The following PCDH9 variants were observed in gnomAD, a reference collection of about 807,000 sequenced individuals.
PCDH9 encodes protocadherin 9.
In PCDH9, 24 loss-of-function variants were observed where a neutral mutation model predicts 70.6. That is an observed-to-expected ratio of 0.34 (90% CI 0.25 to 0.48). PCDH9 has a LOEUF of 0.48. Ranked by LOEUF, PCDH9 falls within the 20% of genes least tolerant of loss-of-function variation. The probability of loss-of-function intolerance (pLI) is 0.99; values close to 1 mark genes in which losing one functional copy is unlikely to be tolerated. For missense variants in PCDH9, 1,281 were observed against 1,503.6 expected, an observed-to-expected ratio of 0.85 and a Z score of 2.45; for synonymous variants, 562 against 558.5, an observed-to-expected ratio of 1.01 and a Z score of -0.09.
At chr13:67,080,108 G>A (rs1482345682) in intron 2 of PCDH9, among the ~76,000 whole-genome samples, 4 of 152,056 alleles carry the variant, frequency 2.6e-5, no homozygotes, top group Admixed American at 6.6e-5. Context: ...ACACTTTATC[G>A]GAACTTCTTG....
intron 3 of PCDH9, among the ~76,000 whole-genome samples, chr13:66,727,493 GTGGGGAAAAATGCCACTAGAGTC>G (rs2079020750): frequency 6.6e-6 from 1 of 151,964 alleles, no homozygotes. Context: ...TATTACACTA[GTGGGGAAAAATGCCACTAGAGTC>G]TGCTACAAAA....
chr13:67,076,415 C>T (rs2085878747), intron 2 of PCDH9, among the ~76,000 whole-genome samples: 1 of 151,896 alleles, frequency 6.6e-6, no homozygotes, highest in South Asian at 2.1e-4. Context: ...ATAATAAAGC[C>T]GAAGAAGAAG....
At chr13:66,438,076 A>C (rs1957907035) in intron 4 of PCDH9, among the ~76,000 whole-genome samples, 1 of 152,042 alleles carries the variant, frequency 6.6e-6, no homozygotes, top group Non-Finnish European at 1.5e-5. Flanking sequence ...TCTACTAAAA[A>C]TACAAAAATT....
chr13:66,873,250 C>A (rs1331277773), intron 3 of PCDH9, among the ~76,000 whole-genome samples: 1 of 151,874 alleles, frequency 6.6e-6, no homozygotes. Context: ...GAAATGTCAC[C>A]CTAATATCTA....
At chr13:66,948,521 G>A (rs1462320971) in intron 2 of PCDH9, among the ~76,000 whole-genome samples, 10 of 149,902 alleles carry the variant, frequency 6.7e-5, no homozygotes, top group Non-Finnish European at 1.3e-4. Context: ...TCTTGAGTAC[G>A]TATAGTGATA....
rs192880786 is a variant in PCDH9 at position 66,858,043 on chromosome 13, A to G, written c.3138+45461T>C. Among the ~76,000 whole-genome samples the G allele has an allele frequency of 5.2e-3, 787 of 152,242 alleles. 10 individuals carry two copies. The highest frequency in any genetic ancestry group is 0.018 in the African/African-American group (751 of 41,548). Reference sequence around the variant, plus strand: ...ACTCTGTGGAATCTTCCTTTCATCAAATTAGTTAATGTGCCTTTAAAATAG... The same window carrying G: ...ACTCTGTGGAATCTTCCTTTCATCAGATTAGTTAATGTGCCTTTAAAATAG... On this transcript the variant is annotated intron_variant, in intron 3 of 4. Transcript: ENST00000377865.
At chr13:66,367,069 C>A (rs1956565219) in intron 4 of PCDH9, among the ~76,000 whole-genome samples, 1 of 152,024 alleles carries the variant, frequency 6.6e-6, no homozygotes, top group Non-Finnish European at 1.5e-5. Flanking sequence ...GCTAGTGCAA[C>A]ATTAATTTTT....
In PCDH9 at chr13:67,113,860, C is replaced by T. The variant is rs151126335; in HGVS notation, c.3036+111545G>A. Among the ~76,000 whole-genome samples, 256 of 152,134 alleles carry T rather than the reference C, an allele frequency of 1.7e-3. 1 individual carries two copies. The highest frequency in any genetic ancestry group is 2.7e-3 in the Non-Finnish European group (183 of 68,020). ...AACTTTGCCCATTAAACATTTGGAT[C>T]ACACTGAGAAATGCAATCACTGAGG... On this transcript the variant is annotated intron_variant, in intron 2 of 4. Coordinates refer to ENST00000377865, the MANE Select transcript of PCDH9 (RefSeq NM_203487.3).
intron 2 of PCDH9, among the ~76,000 whole-genome samples, chr13:67,108,293 G>A (rs1380900679): frequency 1.3e-5 from 2 of 152,196 alleles, no homozygotes; most frequent in African/African-American, 4.8e-5. Context: ...AGGATCCCAT[G>A]ACAGTATAGT....
At chr13:66,699,382 C>A (rs892523737) in intron 3 of PCDH9, among the ~76,000 whole-genome samples, 1 of 152,134 alleles carries the variant, frequency 6.6e-6, no homozygotes, top group African/African-American at 2.4e-5. Flanking sequence ...ATCCCCAGAA[C>A]CTGTGAATGC....
At position 66,539,805 on chromosome 13, in the gene PCDH9, A is replaced by G. The variant is rs532452788; in HGVS notation, c.3340+91405T>C. Reference sequence around the variant, plus strand: ...TCCCCAAAAATTATTTCTAAGAGATACCCAAAATAATATCCATATTTTATA... The same window carrying G: ...TCCCCAAAAATTATTTCTAAGAGATGCCCAAAATAATATCCATATTTTATA... On this transcript the variant is annotated intron_variant, in intron 4 of 4. Coordinates refer to ENST00000377865, the MANE Select transcript of PCDH9 (RefSeq NM_203487.3). Among the ~76,000 whole-genome samples, 19 of 151,288 alleles carry G rather than the reference A, an allele frequency of 1.3e-4. No individual in the cohort carries two copies. In the South Asian group the frequency reaches 2.9e-3, roughly 23 times the overall value.
At chr13:66,857,932 C>T (rs980593028) in intron 3 of PCDH9, among the ~76,000 whole-genome samples, 6 of 152,114 alleles carry the variant, frequency 3.9e-5, no homozygotes, top group Admixed American at 2.0e-4. Context: ...ACAAAAAACA[C>T]GCCCTCAATC....
At chr13:66,973,432 G>A (rs945294863) in intron 2 of PCDH9, among the ~76,000 whole-genome samples, 4 of 151,874 alleles carry the variant, frequency 2.6e-5, no homozygotes, top group Admixed American at 1.3e-4. Context: ...CATGAGACTA[G>A]ACAGAACTCC....
chr13:66,529,089 T>A lies in PCDH9; in HGVS notation c.3340+102121A>T, dbSNP rs1475658137. Among the ~76,000 whole-genome samples the A allele has an allele frequency of 2.6e-5, 4 of 152,186 alleles. No homozygotes were observed. The East Asian group carries it at 7.7e-4, about 29-fold the overall frequency. ...CCTATCTCTGCCATTCCTCTCCAAG[T>A]ATATAATAAATCAAGTACATTTTAC... On this transcript the variant is annotated intron_variant, in intron 4 of 4. Transcript: ENST00000377865.
chr13:66,770,934 C>T (rs911633630), intron 3 of PCDH9, among the ~76,000 whole-genome samples: 4 of 152,226 alleles, frequency 2.6e-5, no homozygotes, highest in African/African-American at 9.6e-5. Flanking sequence ...CTTCTCATCA[C>T]TCCAGGTTCA....
chr13:66,437,531 A>C (rs1240437956), intron 4 of PCDH9, among the ~76,000 whole-genome samples: 1 of 152,132 alleles, frequency 6.6e-6, no homozygotes, highest in Non-Finnish European at 1.5e-5. Flanking sequence ...CATCAAAAAA[A>C]TCAGTGGCTG....
chr13:66,855,803 G>C (rs961561482), intron 3 of PCDH9, among the ~76,000 whole-genome samples: 1 of 151,896 alleles, frequency 6.6e-6, no homozygotes, highest in Non-Finnish European at 1.5e-5. Flanking sequence ...ATGATAATTT[G>C]TTGGTATTTA....
intron 2 of PCDH9, among the ~76,000 whole-genome samples, chr13:67,022,976 T>C (rs1349629501): frequency 1.3e-5 from 2 of 152,222 alleles, no homozygotes; most frequent in Non-Finnish European, 2.9e-5. Context: ...CTTTGCCTAT[T>C]GATACAAATT....
intron 3 of PCDH9, among the ~76,000 whole-genome samples, chr13:66,806,996 A>G (rs1348209137): frequency 6.6e-6 from 1 of 152,202 alleles, no homozygotes; most frequent in Non-Finnish European, 1.5e-5. Context: ...GAATGATCAT[A>G]GCAGGCACTT....
Sources: gnomAD v4.1 joint callset for allele counts (sites outside exome capture counted in the v4.1 genomes callset) on GRCh38, gnomAD v4.1.1 for gene constraint, MANE v1.5 for transcripts, NCBI Gene and HGNC (gene_info 2026-07-23, HGNC 2026-07-21) for gene names.